PCCA: variants seen among roughly 807,000 people sequenced by gnomAD.
The protein encoded by PCCA is propionyl-CoA carboxylase alpha chain, mitochondrial.
A neutral mutation model predicts 101.3 loss-of-function variants in PCCA; 74 were observed. The observed-to-expected ratio is 0.73, with a 90% confidence interval of 0.61 to 0.89. The LOEUF (loss-of-function observed/expected upper bound fraction) is 0.89, where lower values mean the gene tolerates loss of function less well. PCCA is among the 40% of genes least tolerant of loss of function. The pLI is 0.00. For missense variants in PCCA, 891 were observed against 907.0 expected (o/e 0.98, Z 0.23); for synonymous variants, 294 against 313.6 (o/e 0.94, Z 0.66).
chr13:100,290,748 T>A (rs1410026123), intron 12 of PCCA, among the ~76,000 whole-genome samples: 2 of 152,244 alleles, frequency 1.3e-5, no homozygotes, highest in South Asian at 2.1e-4. Context: ...CTACTGGATA[T>A]GTTTCTCTTA....
At chr13:100,494,879 T>G (rs2085167410) in intron 21 of PCCA, among the ~76,000 whole-genome samples, 1 of 152,112 alleles carries the variant, frequency 6.6e-6, no homozygotes, top group Non-Finnish European at 1.5e-5. Context: ...CCTATTTGAT[T>G]TATTTTATCC....
intron 4 of PCCA, among the ~76,000 whole-genome samples, chr13:100,148,835 CT>C (rs1396490416): frequency 1.3e-5 from 2 of 152,056 alleles, no homozygotes; most frequent in Non-Finnish European, 2.9e-5. Flanking sequence ...AACGTATTCT[CT>C]TTTTTTCCTG....
rs2152692650 is a variant in PCCA, at chr13:100,307,219, G to T, written c.1312G>T (p.Gly438Ter). 2 of 1,610,948 alleles carry T rather than the reference G, an allele frequency of 1.2e-6. No individual in the cohort carries two copies. The highest frequency in any genetic ancestry group is 8.5e-7 in the Non-Finnish European group (1 of 1,177,834). ...GVRVDSGIQP[G>*]SDISIYYDPM... ...CCGAGTGGACAGTGGCATCCAACCA[G>T]GAAGTGATATTAGCATTTATTATGA... Residue 438 changes from glycine (G) to a stop codon, truncating the protein, a stop_gained, in exon 15 of 24, where the codon GGA (glycine) becomes TGA (stop). Coordinates refer to ENST00000376285, the MANE Select transcript of PCCA (RefSeq NM_000282.4). LOFTEE classifies it high-confidence loss of function.
intron 7 of PCCA, among the ~76,000 whole-genome samples, chr13:100,217,097 G>A (rs539138938): frequency 3.5e-4 from 52 of 149,472 alleles, no homozygotes; most frequent in African/African-American, 1.1e-3. Flanking sequence ...CAACAAGAGC[G>A]GAACTCTGTC....
chr13:100,228,471 G>T (rs1178679467), intron 7 of PCCA, among the ~76,000 whole-genome samples: 1 of 152,116 alleles, frequency 6.6e-6, no homozygotes, highest in African/African-American at 2.4e-5. Context: ...TGTAATCATA[G>T]ATGTGAGAGC....
At chr13:100,151,081 C>T in intron 4 of PCCA, 2 of 1,517,612 alleles carry the variant, frequency 1.3e-6, no homozygotes, top group African/African-American at 1.4e-5. Context: ...CCTGGATGTA[C>T]TCGTATGCAC....
At chr13:100,408,650 G>A (rs569738958) in intron 19 of PCCA, among the ~76,000 whole-genome samples, 88 of 152,232 alleles carry the variant, frequency 5.8e-4, no homozygotes, top group African/African-American at 1.9e-3. Flanking sequence ...GAACCAGAGA[G>A]GGCTCATCCC....
chr13:100,332,980 T>C (rs2069869198), intron 17 of PCCA, among the ~76,000 whole-genome samples: 1 of 152,230 alleles, frequency 6.6e-6, no homozygotes, highest in Admixed American at 6.5e-5. Context: ...ATTTGAGTAG[T>C]CTTTGAGTTA....
At chr13:100,267,144 G>A (rs939662107) in intron 10 of PCCA, among the ~76,000 whole-genome samples, 6 of 152,152 alleles carry the variant, frequency 3.9e-5, no homozygotes, top group Non-Finnish European at 5.9e-5. Flanking sequence ...ATATTTTATA[G>A]TTGGAAATAT....
At chr13:100,150,244 G>A (rs2053135250) in intron 4 of PCCA, among the ~76,000 whole-genome samples, 1 of 152,078 alleles carries the variant, frequency 6.6e-6, no homozygotes, top group African/African-American at 2.4e-5. Context: ...ATGTTGGTCA[G>A]GCTGGTCTTG....
intron 8 of PCCA, among the ~76,000 whole-genome samples, chr13:100,249,817 C>A (rs1008967632): frequency 6.6e-6 from 1 of 152,088 alleles, no homozygotes; most frequent in East Asian, 1.9e-4. Context: ...TATTTTATTT[C>A]TTTAGTGCTA....
At chr13:100,161,688 G>A (rs746063093) in intron 6 of PCCA, 4 of 151,880 alleles carry the variant, frequency 2.6e-5, no homozygotes, top group African/African-American at 4.8e-5. Context: ...GGAAAAAATA[G>A]GAGAGACTTA....
rs764309172 is a variant in PCCA at position 100,340,212 on chromosome 13, G to T, written c.1596G>T (p.Leu532Phe). The change falls in exon 18 of 24, where the codon TTG becomes TTT. Residue 532 changes from leucine (L) to phenylalanine (F), a missense_variant. By Grantham distance (22) the Leu-to-Phe change is conservative (BLOSUM62 0). Coordinates refer to ENST00000376285, the MANE Select transcript of PCCA (RefSeq NM_000282.4). ...AGTTATTGGCAATAGCATCATCATT[G>T]TTTGTGGCATTCCAGTTAAGAGCAC... is the stretch of plus-strand genomic sequence containing the variant. Reference protein sequence around the residue: ...KNQLLAIASSLFVAFQLRAQH... With the variant: ...KNQLLAIASSFFVAFQLRAQH... 9.9e-6 allele frequency: 16 copies of T among 1,611,784 alleles called. No homozygotes were observed. In the South Asian group the frequency reaches 1.6e-4, roughly 17 times the overall value.
chr13:100,421,469 A>AT (rs1258416465), intron 19 of PCCA, among the ~76,000 whole-genome samples: 1 of 152,088 alleles, frequency 6.6e-6, no homozygotes, highest in Non-Finnish European at 1.5e-5. Flanking sequence ...GAGATGACTC[A>AT]TTTTTTTAAA....
At position 100,474,629 on chromosome 13, in the gene PCCA, G is replaced by GAA. The variant is rs2083284163; in HGVS notation, c.1899+25325_1899+25326dup. ...GCTTCCCAGGTAGCTGGGACTACAG[G>GAA]AATGCGCCACCATGCCTGGTTAATT... On this transcript the variant is annotated intron_variant, in intron 21 of 23. Transcript: ENST00000376285. Among the ~76,000 whole-genome samples, 3 of 152,172 alleles carry GAA rather than the reference G, an allele frequency of 2.0e-5. No homozygotes were observed. In the South Asian group the frequency reaches 6.2e-4, roughly 32 times the overall value.
chr13:100,528,384 C>T (rs2088045187), intron 23 of PCCA, among the ~76,000 whole-genome samples: 1 of 152,136 alleles, frequency 6.6e-6, no homozygotes, highest in Admixed American at 6.5e-5. Context: ...TTTGTGAGGG[C>T]CGTTGTGGTT....
At chr13:100,187,963 C>T (rs1355957330) in intron 6 of PCCA, among the ~76,000 whole-genome samples, 2 of 151,648 alleles carry the variant, frequency 1.3e-5, no homozygotes, top group Non-Finnish European at 2.9e-5. Flanking sequence ...TTTGCCTCCT[C>T]GTAGCTTAGC....
chr13:100,237,935 C>CTTTTTTT (rs1167146448), intron 8 of PCCA, among the ~76,000 whole-genome samples: 3 of 131,082 alleles, frequency 2.3e-5, no homozygotes, highest in African/African-American at 6.0e-5. Flanking sequence ...TTCTTTCTTT[C>CTTTTTTT]TTTCTTTTTT....
intron 8 of PCCA, among the ~76,000 whole-genome samples, chr13:100,245,917 G>A (rs914301896): frequency 6.6e-6 from 1 of 152,194 alleles, no homozygotes; most frequent in African/African-American, 2.4e-5. Flanking sequence ...CAATACCTGA[G>A]GGGGAATGAA....
Sources: allele counts gnomAD v4.1 joint callset (sites outside exome capture counted in the v4.1 genomes callset), GRCh38; gene constraint gnomAD v4.1.1; transcripts MANE v1.5; gene names NCBI Gene and HGNC (gene_info 2026-07-23, HGNC 2026-07-21).